Variants in FYN observed in about 807,000 individuals in gnomAD.
The protein encoded by FYN is FYN proto-oncogene, Src family tyrosine kinase.
A neutral mutation model predicts 70.2 loss-of-function variants in FYN; 10 were observed. The observed-to-expected ratio is 0.14, with a 90% confidence interval of 0.09 to 0.24. The LOEUF (loss-of-function observed/expected upper bound fraction) is 0.24. FYN is among the 10% of genes least tolerant of loss of function. The probability of loss-of-function intolerance (pLI) is 1.00; values close to 1 mark genes in which losing one functional copy is unlikely to be tolerated. For synonymous variants in FYN, 236 were observed against 248.6 expected (o/e 0.95, Z 0.48); for missense variants, 319 against 673.1 (o/e 0.47, Z 5.82).
chr6:111,672,382 G>A (rs1798320324), intron 13 of FYN, among the ~76,000 whole-genome samples: 1 of 152,220 alleles, frequency 6.6e-6, no homozygotes, highest in Non-Finnish European at 1.5e-5. Context: ...CTCTGCAGGA[G>A]CCGCTGGAGT....
At position 111,802,433 on chromosome 6, in the gene FYN, T is replaced by TC. The variant is rs34554625; in HGVS notation, c.-81-21799dup. On this transcript the variant is annotated intron_variant, in intron 2 of 13. Transcript: ENST00000354650. ...CTTTATAAATAACCCAATCAGGTAA[T>TC]CCCTTTTTTTTTTCTTTGAGACAGA... is the stretch of plus-strand genomic sequence containing the variant. Among the ~76,000 whole-genome samples, 2 of 151,514 alleles carry TC rather than the reference T, an allele frequency of 1.3e-5. 1 individual carries two copies. The highest frequency in any genetic ancestry group is 3.9e-4 in the East Asian group (2 of 5,154).
At chr6:111,800,377 C>T (rs547061411) in intron 2 of FYN, among the ~76,000 whole-genome samples, 1 of 152,118 alleles carries the variant, frequency 6.6e-6, no homozygotes, top group African/African-American at 2.4e-5. Context: ...AGAAACAAGG[C>T]TCTACAGCTT....
chr6:111,680,670 T>C lies in FYN; in HGVS notation c.1274-6040A>G, dbSNP rs375713520. ...ATGGGTGTCTATCAGCAATTAGCAA[T>C]TGGGTAGATGATGCTTCCATTGTCA... On this transcript the variant is annotated intron_variant, in intron 12 of 13. Coordinates refer to ENST00000354650, the MANE Select transcript of FYN (RefSeq NM_002037.5). 5.3e-5 allele frequency among the ~76,000 whole-genome samples: 8 copies of C among 152,330 alleles called. No homozygotes were observed. The South Asian group carries it at 8.3e-4, about 16-fold the overall frequency.
rs184698721 is a variant in FYN at position 111,810,245 on chromosome 6, T to C, written c.-81-29610A>G. Among the ~76,000 whole-genome samples the C allele has an allele frequency of 6.5e-4, 99 of 152,300 alleles. No homozygotes were observed. The East Asian group carries it at 0.018, about 28-fold the overall frequency. ...TGAGGGTAAGGTAAAGGTGGTCTCC[T>C]TGTCTGTTGGCATCAGGTCTAACAA... On this transcript the variant is annotated intron_variant, in intron 2 of 13. Coordinates refer to ENST00000354650, the MANE Select transcript of FYN (RefSeq NM_002037.5).
chr6:111,786,825 G>T (rs998266084), intron 2 of FYN, among the ~76,000 whole-genome samples: 18 of 152,208 alleles, frequency 1.2e-4, no homozygotes, highest in East Asian at 1.2e-3. Context: ...GTGATGATGA[G>T]CATTTTTTCA....
intron 10 of FYN, among the ~76,000 whole-genome samples, chr6:111,695,701 A>T (rs1272608372): frequency 6.6e-6 from 1 of 152,240 alleles, no homozygotes; most frequent in Non-Finnish European, 1.5e-5. Flanking sequence ...TATTTTTCCA[A>T]AACAAAATGA....
At chr6:111,703,896 G>T in intron 7 of FYN, 103 bp downstream of exon 7, 1 of 865,074 alleles carries the variant, frequency 1.2e-6, no homozygotes, top group Non-Finnish European at 1.9e-6. Context: ...GGGAGGGTAT[G>T]TGCCATTTTA....
chr6:111,748,293 A>G (rs979637039), intron 3 of FYN, among the ~76,000 whole-genome samples: 4 of 152,238 alleles, frequency 2.6e-5, no homozygotes, highest in Admixed American at 2.0e-4. Context: ...TATCCACAGG[A>G]AACGGCTGCA....
chr6:111,801,863 C>T (rs1004095337), intron 2 of FYN, among the ~76,000 whole-genome samples: 4 of 152,124 alleles, frequency 2.6e-5, no homozygotes, highest in Non-Finnish European at 4.4e-5. Flanking sequence ...CAACTCCTGG[C>T]TTAAATCTGT....
At chr6:111,821,746 G>T (rs1334885622) in intron 2 of FYN, among the ~76,000 whole-genome samples, 1 of 152,004 alleles carries the variant, frequency 6.6e-6, no homozygotes, top group Non-Finnish European at 1.5e-5. Flanking sequence ...CTGAAAAAGG[G>T]CTAATATCCA....
chr6:111,682,897 T>C (rs1362238096), intron 12 of FYN, among the ~76,000 whole-genome samples: 1 of 152,198 alleles, frequency 6.6e-6, no homozygotes, highest in African/African-American at 2.4e-5. Flanking sequence ...GCTGAATAAA[T>C]ACCAGCTGTT....
At chr6:111,746,121 G>A (rs1157975741) in intron 3 of FYN, among the ~76,000 whole-genome samples, 1 of 152,200 alleles carries the variant, frequency 6.6e-6, no homozygotes, top group East Asian at 1.9e-4. Flanking sequence ...CTAATAATTT[G>A]AGGAGGTTTA....
At chr6:111,665,994 CCTTT>C (rs1240114614) in intron 13 of FYN, among the ~76,000 whole-genome samples, 2 of 139,618 alleles carry the variant, frequency 1.4e-5, no homozygotes, top group Non-Finnish European at 3.1e-5. Flanking sequence ...TCCTTTTTCT[CCTTT>C]TTTTTTTTTT....
intron 2 of FYN, among the ~76,000 whole-genome samples, chr6:111,826,861 A>G (rs1203893119): frequency 6.6e-6 from 1 of 152,224 alleles, no homozygotes; most frequent in African/African-American, 2.4e-5. Context: ...ATTTGTAATT[A>G]GAAGCTGACT....
chr6:111,856,023 A>G (rs934561386), intron 1 of FYN, among the ~76,000 whole-genome samples: 1 of 152,330 alleles, frequency 6.6e-6, no homozygotes, highest in Non-Finnish European at 1.5e-5. Context: ...ACCAGAATGG[A>G]GTGAAACTGA....
intron 1 of FYN, among the ~76,000 whole-genome samples, chr6:111,853,959 G>A (rs1051710877): frequency 6.6e-6 from 1 of 152,202 alleles, no homozygotes; most frequent in Non-Finnish European, 1.5e-5. Flanking sequence ...TCCAGACAAA[G>A]GAGGGTGGAA....
chr6:111,789,762 A>C (rs992586090), intron 2 of FYN, among the ~76,000 whole-genome samples: 2 of 152,212 alleles, frequency 1.3e-5, no homozygotes, highest in African/African-American at 4.8e-5. Context: ...CTTTTAAATT[A>C]AGCTGTTCCT....
intron 13 of FYN, among the ~76,000 whole-genome samples, chr6:111,667,136 T>C (rs1401163229): frequency 6.6e-6 from 1 of 152,204 alleles, no homozygotes; most frequent in Non-Finnish European, 1.5e-5. Context: ...GTGTCTATTC[T>C]TGTGTGTGTG....
At chr6:111,699,368 T>C in intron 9 of FYN, 6 of 810,454 alleles carry the variant, frequency 7.4e-6, no homozygotes. Flanking sequence ...GGTATCAGCA[T>C]ATTCTGAAAA....
Sources: allele counts gnomAD v4.1 joint callset (sites outside exome capture counted in the v4.1 genomes callset), GRCh38; gene constraint gnomAD v4.1.1; transcripts MANE v1.5; gene names NCBI Gene and HGNC (gene_info 2026-07-23, HGNC 2026-07-21).